Variants in MAP3K5 observed in about 807,000 individuals in gnomAD.
MAP3K5 encodes the protein ASK-1.
MAP3K5 carries 56 observed loss-of-function variants against 158.7 expected under a neutral mutation model. That is an observed-to-expected ratio of 0.35 (90% CI 0.28 to 0.44). The LOEUF (loss-of-function observed/expected upper bound fraction) is 0.44, where lower values mean the gene tolerates loss of function less well. Among genes scored for constraint, MAP3K5 ranks in the 20% least tolerant of loss-of-function variants. MAP3K5 has a pLI of 1.00. For missense variants in MAP3K5, 1,294 were observed against 1,674.8 expected (o/e 0.77, Z 3.97); for synonymous variants, 579 against 601.7 (o/e 0.96, Z 0.55).
At chr6:136,633,879 A>G (rs577231961) in intron 14 of MAP3K5, among the ~76,000 whole-genome samples, 116 of 152,366 alleles carry the variant, frequency 7.6e-4, no homozygotes, top group African/African-American at 2.7e-3. Flanking sequence ...GGGCCAAGGT[A>G]GCCAAAGGCT....
intron 1 of MAP3K5, among the ~76,000 whole-genome samples, chr6:136,765,643 G>A (rs1407509634): frequency 1.3e-5 from 2 of 150,108 alleles, no homozygotes; most frequent in Admixed American, 1.3e-4. Context: ...CTCCCAAGTA[G>A]CTGGGATTAC....
intron 11 of MAP3K5, among the ~76,000 whole-genome samples, chr6:136,650,060 T>C (rs1321459053): frequency 6.6e-6 from 1 of 152,222 alleles, no homozygotes; most frequent in East Asian, 1.9e-4. Context: ...TATTGCTTTA[T>C]TGCCCTATCT....
chr6:136,675,528 G>A (rs1779667317), intron 7 of MAP3K5, among the ~76,000 whole-genome samples: 1 of 151,928 alleles, frequency 6.6e-6, no homozygotes, highest in Non-Finnish European at 1.5e-5. Flanking sequence ...ATAACCCAAA[G>A]GTCAAAGAAG....
intron 23 of MAP3K5, among the ~76,000 whole-genome samples, chr6:136,586,100 G>C (rs949850461): frequency 6.6e-6 from 1 of 152,166 alleles, no homozygotes; most frequent in Non-Finnish European, 1.5e-5. Context: ...ATATTGAAAA[G>C]CTTGAAAGCT....
chr6:136,636,853 T>C, intron 14 of MAP3K5: 3 of 987,690 alleles, frequency 3.0e-6, no homozygotes, highest in Non-Finnish European at 3.6e-6. Flanking sequence ...AATAAAAGGA[T>C]TCCAGTTGAG....
chr6:136,598,265 A>T (rs982690899), intron 21 of MAP3K5, among the ~76,000 whole-genome samples: 3 of 152,030 alleles, frequency 2.0e-5, no homozygotes, highest in Admixed American at 6.6e-5. Context: ...CTCCCCATTC[A>T]CCTGTTAAGT....
intron 1 of MAP3K5, among the ~76,000 whole-genome samples, chr6:136,752,357 G>T (rs1212313522): frequency 6.6e-6 from 1 of 152,214 alleles, no homozygotes; most frequent in Non-Finnish European, 1.5e-5. Context: ...TCCTGAGGAG[G>T]AAGGTTGGGA....
At chr6:136,790,780 T>G (rs1242093924) in intron 1 of MAP3K5, among the ~76,000 whole-genome samples, 1 of 152,258 alleles carries the variant, frequency 6.6e-6, no homozygotes, top group Admixed American at 6.5e-5. Context: ...TATGTATATA[T>G]TCTCAACACT....
intron 20 of MAP3K5, 64 bp downstream of exon 20, chr6:136,601,738 C>A: frequency 6.7e-7 from 1 of 1,489,234 alleles, no homozygotes; most frequent in Non-Finnish European, 9.2e-7. Context: ...CCGGAAAATT[C>A]TTCCATCTTA....
rs1246118461 is a variant in MAP3K5 at position 136,792,396 on chromosome 6, G to T, written c.-239C>A. ...GGCCGCGCCGCTCGCCCTCTGCAGA[G>T]TTTAGAGTACAAGGGGTGGGGAAGC... is the stretch of plus-strand genomic sequence containing the variant. On this transcript the variant is annotated 5_prime_UTR_variant, in exon 1 of 30. Transcript: ENST00000359015. This position sits in a 1 kb window ranked among gnomAD's most constrained non-coding sequence, Gnocchi z 5.7. 1.0e-6 allele frequency: 1 copy of T among 993,706 alleles called. No individual in the cohort carries two copies. Among genetic ancestry groups the T allele is most frequent in the Non-Finnish European group, 1.2e-6 (1 of 836,368 alleles). The allele number at this position is 993,706 out of a possible 1,614,324, so 61.6% of individuals were successfully genotyped here. A position where few individuals can be genotyped will look rare whatever the true frequency, so the allele number is the denominator to read the frequency against.
At chr6:136,769,763 GGAAGGAAGGAAGGAAGGAAGGA>G (rs1562690995) in intron 1 of MAP3K5, among the ~76,000 whole-genome samples, 24 of 36,766 alleles carry the variant, frequency 6.5e-4, no homozygotes, top group African/African-American at 3.2e-3. Context: ...AAGGAAGGAA[GGAAGGAAGGAAGGAAGGAAGGA>G]AGGAAGGAAG....
intron 9 of MAP3K5, among the ~76,000 whole-genome samples, chr6:136,658,309 CTTTCTTTTTTTTT>C (rs1778849768): frequency 1.3e-5 from 1 of 75,670 alleles, no homozygotes; most frequent in African/African-American, 4.0e-5. Context: ...TTCTTTCTTT[CTTTCTTTTTTTTT>C]TTTTTTTTTT....
At chr6:136,594,290 G>T (rs1483071397) in intron 21 of MAP3K5, among the ~76,000 whole-genome samples, 14 of 152,166 alleles carry the variant, frequency 9.2e-5, no homozygotes, top group Admixed American at 9.2e-4. Context: ...CTTCCTTGCT[G>T]GTAATAGTAA....
chr6:136,765,076 C>T (rs1366868455), intron 1 of MAP3K5, among the ~76,000 whole-genome samples: 1 of 152,160 alleles, frequency 6.6e-6, no homozygotes, highest in Non-Finnish European at 1.5e-5. Flanking sequence ...AGGAAGTCAT[C>T]ATTAGATTCC....
intron 1 of MAP3K5, among the ~76,000 whole-genome samples, chr6:136,785,862 C>T (rs752122497): frequency 1.3e-5 from 2 of 152,118 alleles, no homozygotes; most frequent in East Asian, 1.9e-4. Context: ...AGAATTTTCC[C>T]GAATGTTTAA....
At chr6:136,677,012 G>C (rs141293177) in intron 7 of MAP3K5, among the ~76,000 whole-genome samples, 2 of 150,256 alleles carry the variant, frequency 1.3e-5, no homozygotes, top group Non-Finnish European at 3.0e-5. Flanking sequence ...GGCTGGTCTC[G>C]AACTCCTGAC....
chr6:136,700,316 C>T (rs1231701339), intron 3 of MAP3K5, among the ~76,000 whole-genome samples: 2 of 151,932 alleles, frequency 1.3e-5, no homozygotes, highest in Admixed American at 1.3e-4. Flanking sequence ...ACCAGGTCGG[C>T]AGAGGTGGCG....
chr6:136,623,025 A>G (rs775420503), intron 14 of MAP3K5, 44 bp from the exon 15 acceptor site: 2 of 1,591,062 alleles, frequency 1.3e-6, no homozygotes. Flanking sequence ...ACATTAGTTC[A>G]TTCTACATTT....
intron 21 of MAP3K5, chr6:136,593,761 A>G (rs1775502157): frequency 4.8e-6 from 2 of 413,422 alleles, no homozygotes; most frequent in South Asian, 3.5e-5. Context: ...AAACATCTTT[A>G]TCAAACACAC....
Sources: allele counts gnomAD v4.1 joint callset (sites outside exome capture counted in the v4.1 genomes callset), GRCh38; gene constraint gnomAD v4.1.1; non-coding constraint Gnocchi (gnomAD v3.1); transcripts MANE v1.5; gene names NCBI Gene and HGNC (gene_info 2026-07-23, HGNC 2026-07-21).